Variants in LGR5 observed in about 807,000 individuals in gnomAD.
The protein encoded by LGR5 is leucine rich repeat containing G protein-coupled receptor 5, also known as leucine-rich repeat-containing G protein-coupled receptor 5.
A neutral mutation model predicts 76.7 loss-of-function variants in LGR5; 54 were observed. The ratio of observed to expected loss-of-function variants is 0.70; its 90% CI spans 0.57 to 0.88. The LOEUF is 0.88. LGR5 is among the 40% of genes least tolerant of loss of function. LGR5 has a pLI of 0.00. For synonymous variants in LGR5, 406 were observed against 421.9 expected, an observed-to-expected ratio of 0.96 and a Z score of 0.46; for missense variants, 1,078 against 1,073.3, an observed-to-expected ratio of 1.00 and a Z score of -0.06.
chr12:71,582,224 C>T, intron 16 of LGR5: 1 of 450,130 alleles, frequency 2.2e-6, no homozygotes, highest in Non-Finnish European at 4.1e-6. Flanking sequence ...TTAGATGTTA[C>T]ACCCGGCGTC....
chr12:71,580,277 G>C lies in LGR5; in HGVS notation c.1407-1G>C, dbSNP rs1228006387. The C allele has an allele frequency of 6.2e-7, 1 of 1,604,572 alleles. No homozygotes were observed. The highest frequency in any genetic ancestry group is 8.5e-7 in the Non-Finnish European group (1 of 1,176,684). ...TTTGTTTGGGTTTTGTTCATTTAAA[G>C]GGTTATAGAAATGCCTTATGCTTAC... On this transcript the variant is annotated splice_acceptor_variant, in intron 15 of 17. Coordinates refer to ENST00000266674, the MANE Select transcript of LGR5 (RefSeq NM_003667.4). LOFTEE classifies it high-confidence loss of function.
chr12:71,457,953 T>G (rs1398709252), intron 1 of LGR5, among the ~76,000 whole-genome samples: 1 of 152,158 alleles, frequency 6.6e-6, no homozygotes, highest in East Asian at 1.9e-4. Flanking sequence ...ACGCCACAGA[T>G]GCTTCAATTT....
upstream of LGR5, among the ~76,000 whole-genome samples, chr12:71,439,282 T>C (rs981562750): frequency 2.0e-5 from 3 of 152,196 alleles, no homozygotes; most frequent in African/African-American, 7.2e-5. Flanking sequence ...AGGCCACCTA[T>C]CATTCGCCGG....
chr12:71,490,270 T>C (rs898918841), intron 1 of LGR5, among the ~76,000 whole-genome samples: 2 of 152,256 alleles, frequency 1.3e-5, no homozygotes, highest in Non-Finnish European at 2.9e-5. Context: ...TAGTTCATAC[T>C]GAGTGGTTAC....
chr12:71,548,309 G>GTGTGTGTGTGTGTGTGTGTGTA (rs1877298525), intron 4 of LGR5, among the ~76,000 whole-genome samples: 2 of 133,522 alleles, frequency 1.5e-5, no homozygotes, highest in Non-Finnish European at 3.4e-5. Context: ...CACTGTGTGT[G>GTGTGTGTGTGTGTGTGTGTGTA]TGTGTGTGTG....
intron 5 of LGR5, 32 bp downstream of exon 5, chr12:71,553,320 A>G: frequency 6.4e-7 from 1 of 1,561,752 alleles, no homozygotes; most frequent in Non-Finnish European, 8.8e-7. Context: ...CTCTTTTAAC[A>G]GTTTCTAATG....
Position 71,578,850 on chromosome 12 carries a change from C to T in LGR5, c.1327C>T (p.His443Tyr). Residue 443 changes from histidine to tyrosine, a missense_variant, in exon 15 of 18, where the codon CAT becomes TAT. Physicochemically the swap from His to Tyr is moderately conservative, Grantham distance 83 (BLOSUM62 2). Transcript: ENST00000266674. ...GTCGTCTTTTCCTATAACTGGGTTA[C>T]ATGGTTTAACTCACTTAAAATTAAC... ...LLSSFPITGL[H>Y]GLTHLKLTGN... is the part of the protein sequence containing the mutation. 6.2e-7 allele frequency: 1 copy of T among 1,612,560 alleles called. No individual in the cohort carries two copies. The highest frequency in any genetic ancestry group is 8.5e-7 in the Non-Finnish European group (1 of 1,179,114).
intron 1 of LGR5, among the ~76,000 whole-genome samples, chr12:71,463,726 C>A (rs1485789549): frequency 6.6e-6 from 1 of 152,064 alleles, no homozygotes; most frequent in East Asian, 1.9e-4. Context: ...CTACTGTATA[C>A]TTGTAAAGAT....
At chr12:71,505,041 G>T (rs10506635) in intron 2 of LGR5, among the ~76,000 whole-genome samples, 1 of 152,102 alleles carries the variant, frequency 6.6e-6, no homozygotes, top group South Asian at 2.1e-4. Flanking sequence ...TATTAAAATC[G>T]CAAGTAAAGC....
intron 2 of LGR5, among the ~76,000 whole-genome samples, chr12:71,515,726 G>A (rs1403127862): frequency 1.3e-5 from 2 of 152,142 alleles, no homozygotes; most frequent in African/African-American, 2.4e-5. Context: ...TCTCACTCTC[G>A]TGTGCTTTGT....
chr12:71,460,651 C>A (rs1872650996), intron 1 of LGR5, among the ~76,000 whole-genome samples: 1 of 152,030 alleles, frequency 6.6e-6, no homozygotes, highest in East Asian at 1.9e-4. Context: ...ATGTTTAACC[C>A]ACAGACATTA....
At position 71,504,591 on chromosome 12, in the gene LGR5, A is replaced by T. The variant is rs1475221226; in HGVS notation, c.213-23A>T. The T allele has an allele frequency of 3.7e-6, 6 of 1,606,154 alleles. No homozygotes were observed. In the African/African-American group the frequency reaches 8.0e-5, roughly 22 times the overall value. On this transcript the variant is annotated intron_variant, in intron 1 of 17. Coordinates refer to ENST00000266674, the MANE Select transcript of LGR5 (RefSeq NM_003667.4). ...TGTGGTGGCATTTGCTGCTCCTCAC[A>T]CGCTGTCTGTTTTCCCCCCCAGAGA... is the stretch of plus-strand genomic sequence containing the variant.
intron 13 of LGR5, among the ~76,000 whole-genome samples, chr12:71,577,088 G>T (rs1485384319): frequency 6.6e-6 from 1 of 152,116 alleles, no homozygotes; most frequent in Non-Finnish European, 1.5e-5. Context: ...TAACCCTGGA[G>T]CCCAATATCA....
chr12:71,513,017 A>G (rs1875241289), intron 2 of LGR5, among the ~76,000 whole-genome samples: 1 of 152,210 alleles, frequency 6.6e-6, no homozygotes, highest in Admixed American at 6.5e-5. Flanking sequence ...AAATCACTGG[A>G]GCTGCTTATT....
Position 71,580,235 on chromosome 12 carries a change from C to T in LGR5, c.1407-43C>T, listed in dbSNP as rs146409119. The T allele has an allele frequency of 5.7e-5, 88 of 1,535,380 alleles. No individual in the cohort carries two copies. The African/African-American group carries it at 6.4e-4, about 11-fold the overall frequency. Reference sequence around the variant, plus strand: ...AACATGAACACTATATTTAATTATCCGTTTCTTTAAGTGTTTTTTGTTTGG... The same window carrying T: ...AACATGAACACTATATTTAATTATCTGTTTCTTTAAGTGTTTTTTGTTTGG... On this transcript the variant is annotated intron_variant, in intron 15 of 17. Transcript: ENST00000266674.
intron 2 of LGR5, among the ~76,000 whole-genome samples, chr12:71,508,013 G>T (rs1412627383): frequency 6.7e-6 from 1 of 150,120 alleles, no homozygotes; most frequent in African/African-American, 2.5e-5. Context: ...GAGTTCAGGA[G>T]ATCGAGACCA....
At chr12:71,570,993 T>A (rs1348997893) in intron 11 of LGR5, among the ~76,000 whole-genome samples, 1 of 152,218 alleles carries the variant, frequency 6.6e-6, no homozygotes, top group East Asian at 1.9e-4. Context: ...GTCCAGATGT[T>A]TTTGTTATTC....
At chr12:71,546,192 A>G (rs1194003847) in intron 4 of LGR5, among the ~76,000 whole-genome samples, 2 of 151,948 alleles carry the variant, frequency 1.3e-5, no homozygotes, top group East Asian at 1.9e-4. Flanking sequence ...GCATGCACCT[A>G]TAATACCAGC....
chr12:71,485,757 T>G (rs1873797029), intron 1 of LGR5, among the ~76,000 whole-genome samples: 1 of 151,084 alleles, frequency 6.6e-6, no homozygotes, highest in South Asian at 2.1e-4. Context: ...CTGATTGGCT[T>G]ACACAATTAT....
Sources: gnomAD v4.1 joint callset for allele counts (sites outside exome capture counted in the v4.1 genomes callset) on GRCh38, gnomAD v4.1.1 for gene constraint, MANE v1.5 for transcripts, NCBI Gene and HGNC (gene_info 2026-07-23, HGNC 2026-07-21) for gene names.